PTPRK: variants seen among roughly 807,000 people sequenced by gnomAD.
The protein encoded by PTPRK is receptor-type tyrosine-protein phosphatase kappa.
PTPRK carries 75 observed loss-of-function variants against 178.0 expected under a neutral mutation model. The observed-to-expected ratio is 0.42, with a 90% CI of 0.35 to 0.51. PTPRK has a LOEUF of 0.51. Ranked by LOEUF, PTPRK falls within the 20% of genes least tolerant of loss-of-function variation. PTPRK has a pLI of 0.02. For synonymous variants in PTPRK, 637 were observed against 620.6 expected, an observed-to-expected ratio of 1.03 and a Z score of -0.39; for missense variants, 1,441 against 1,797.8, an observed-to-expected ratio of 0.80 and a Z score of 3.59.
At chr6:128,182,928 A>T (rs544017802) in intron 7 of PTPRK, among the ~76,000 whole-genome samples, 1 of 152,324 alleles carries the variant, frequency 6.6e-6, no homozygotes, top group South Asian at 2.1e-4. Context: ...AAAATAAAGC[A>T]GGTGAGATAT....
Position 128,451,338 on chromosome 6 carries a change from T to C in PTPRK, c.101-53650A>G, listed in dbSNP as rs141870845. On this transcript the variant is annotated intron_variant, in intron 1 of 29. Transcript: ENST00000368226. Reference sequence around the variant, plus strand: ...CAATCTATTTTAACAAAACAGAGTATAAATTGCTCACTGATAAAGTTTTAG... The same window carrying C: ...CAATCTATTTTAACAAAACAGAGTACAAATTGCTCACTGATAAAGTTTTAG... Among the ~76,000 whole-genome samples the C allele has an allele frequency of 2.8e-4, 43 of 152,302 alleles. No individual in the cohort carries two copies. In the East Asian group the frequency reaches 7.3e-3, roughly 26 times the overall value.
intron 3 of PTPRK, among the ~76,000 whole-genome samples, chr6:128,307,168 T>TAC (rs1344828464): frequency 2.0e-5 from 3 of 148,632 alleles, no homozygotes; most frequent in African/African-American, 5.0e-5. Flanking sequence ...AAAATATATA[T>TAC]ATATATATAT....
chr6:128,509,167 C>T (rs1856807173), intron 1 of PTPRK, among the ~76,000 whole-genome samples: 1 of 152,042 alleles, frequency 6.6e-6, no homozygotes, highest in Admixed American at 6.6e-5. Context: ...ATTGAAACAA[C>T]ATGGTATAGT....
intron 16 of PTPRK, 39 bp downstream of exon 16, chr6:127,998,681 T>C: frequency 6.7e-7 from 1 of 1,489,828 alleles, no homozygotes; most frequent in South Asian, 1.4e-5. Context: ...AGTATCATAG[T>C]TAAAAATCAA....
chr6:128,433,827 T>C (rs1299712582), intron 1 of PTPRK, among the ~76,000 whole-genome samples: 1 of 88,994 alleles, frequency 1.1e-5, no homozygotes, highest in Non-Finnish European at 1.9e-5. Context: ...TCTAACACTG[T>C]TTTTTTTTTT....
chr6:128,237,650 G>C (rs1369907259), intron 5 of PTPRK, among the ~76,000 whole-genome samples: 1 of 152,038 alleles, frequency 6.6e-6, no homozygotes, highest in Non-Finnish European at 1.5e-5. Context: ...AAATCTCTAA[G>C]GCCACTGCAA....
At chr6:128,348,784 ATTTG>A (rs1832749090) in intron 2 of PTPRK, among the ~76,000 whole-genome samples, 1 of 152,042 alleles carries the variant, frequency 6.6e-6, no homozygotes, top group Non-Finnish European at 1.5e-5. Context: ...CTCTATAACA[ATTTG>A]TTTAACTTCT....
intron 13 of PTPRK, among the ~76,000 whole-genome samples, chr6:128,054,568 G>C (rs184840088): frequency 6.6e-6 from 1 of 152,052 alleles, no homozygotes; most frequent in African/African-American, 2.4e-5. Flanking sequence ...AATAGCAGAG[G>C]GGGGATTTGA....
intron 13 of PTPRK, among the ~76,000 whole-genome samples, chr6:128,021,705 A>T (rs568579275): frequency 6.1e-4 from 93 of 152,262 alleles, no homozygotes; most frequent in Non-Finnish European, 1.2e-3. Context: ...CCCCCAAGGG[A>T]CTTCGGAATT....
intron 13 of PTPRK, among the ~76,000 whole-genome samples, chr6:128,047,111 T>C (rs898017556): frequency 2.6e-5 from 4 of 152,160 alleles, no homozygotes; most frequent in East Asian, 1.9e-4. Flanking sequence ...ATGGAGAAAT[T>C]AGACAAAACA....
At chr6:127,979,456 T>C (rs1401221579) in intron 25 of PTPRK, among the ~76,000 whole-genome samples, 1 of 152,246 alleles carries the variant, frequency 6.6e-6, no homozygotes, top group East Asian at 1.9e-4. Flanking sequence ...TGAAAAAGTA[T>C]TGTATGCCAT....
At chr6:128,084,313 T>G (rs1582924272) in intron 8 of PTPRK, among the ~76,000 whole-genome samples, 1 of 152,142 alleles carries the variant, frequency 6.6e-6, no homozygotes, top group East Asian at 1.9e-4. Context: ...CATAGCAAAA[T>G]GAATTGAAAT....
At chr6:128,028,456 A>G (rs189366668) in intron 13 of PTPRK, among the ~76,000 whole-genome samples, 51 of 152,320 alleles carry the variant, frequency 3.3e-4, no homozygotes, top group African/African-American at 9.6e-4. Context: ...ATCTGTATCA[A>G]CATACATTTT....
chr6:127,983,517 T>TA (rs1180188577), intron 22 of PTPRK, 140 bp from the exon 23 acceptor site: 40 of 799,826 alleles, frequency 5.0e-5, no homozygotes, highest in Non-Finnish European at 7.0e-5. Flanking sequence ...CCCTGCTGTG[T>TA]AAAAGCTTAT....
At chr6:128,462,205 T>C (rs1320000448) in intron 1 of PTPRK, among the ~76,000 whole-genome samples, 1 of 152,068 alleles carries the variant, frequency 6.6e-6, no homozygotes, top group Non-Finnish European at 1.5e-5. Context: ...AAAGGTGTCT[T>C]AAGAGAGTTA....
At chr6:128,001,250 G>T (rs760293602) in intron 15 of PTPRK, 25 of 1,471,236 alleles carry the variant, frequency 1.7e-5, no homozygotes, top group Non-Finnish European at 3.7e-6. Flanking sequence ...CCAAAAATAC[G>T]AATCAGTATG....
chr6:128,455,143 T>C (rs1386637107), intron 1 of PTPRK, among the ~76,000 whole-genome samples: 1 of 152,178 alleles, frequency 6.6e-6, no homozygotes, highest in African/African-American at 2.4e-5. Context: ...AAACTTATTG[T>C]ATACAAAATT....
chr6:128,394,855 C>T (rs1840077467), intron 2 of PTPRK, among the ~76,000 whole-genome samples: 2 of 151,974 alleles, frequency 1.3e-5, no homozygotes, highest in Non-Finnish European at 2.9e-5. Flanking sequence ...TTTATTCATC[C>T]TTTTTTCTCT....
chr6:128,425,559 T>C (rs1844031933), intron 1 of PTPRK, among the ~76,000 whole-genome samples: 1 of 151,858 alleles, frequency 6.6e-6, no homozygotes, highest in Non-Finnish European at 1.5e-5. Context: ...CCCAATTCCA[T>C]CTACTCCTTT....
Sources: gnomAD v4.1 joint callset for allele counts (sites outside exome capture counted in the v4.1 genomes callset) on GRCh38, gnomAD v4.1.1 for gene constraint, MANE v1.5 for transcripts, NCBI Gene and HGNC (gene_info 2026-07-23, HGNC 2026-07-21) for gene names.